The following PKD2L1 variants were observed in gnomAD, a reference collection of about 807,000 sequenced individuals.
The protein encoded by PKD2L1 is polycystin-2-like protein 1.
PKD2L1 carries 77 observed loss-of-function variants against 93.0 expected under a neutral mutation model. The observed-to-expected ratio is 0.83, with a 90% CI of 0.69 to 1.00. The LOEUF (loss-of-function observed/expected upper bound fraction) is 1.00. PKD2L1 is among the 50% of genes least tolerant of loss of function. The probability of loss-of-function intolerance (pLI) is 0.00; values close to 1 mark genes in which losing one functional copy is unlikely to be tolerated. For missense variants in PKD2L1, 977 were observed against 990.9 expected, an observed-to-expected ratio of 0.99 and a Z score of 0.19; for synonymous variants, 390 against 388.0, an observed-to-expected ratio of 1.01 and a Z score of -0.06.
intron 2 of PKD2L1, among the ~76,000 whole-genome samples, chr10:100,319,151 G>A (rs1849172801): frequency 6.6e-6 from 1 of 152,162 alleles, no homozygotes; most frequent in African/African-American, 2.4e-5. Flanking sequence ...TGGCTGAGAT[G>A]TTTTTCAATA....
intron 2 of PKD2L1, among the ~76,000 whole-genome samples, chr10:100,319,412 T>C (rs1849179135): frequency 6.6e-6 from 1 of 152,230 alleles, no homozygotes; most frequent in Admixed American, 6.5e-5. Flanking sequence ...CACACGCTCT[T>C]TCCATTATAC....
intron 2 of PKD2L1, among the ~76,000 whole-genome samples, chr10:100,322,176 C>T (rs929349715): frequency 6.6e-6 from 1 of 152,048 alleles, no homozygotes; most frequent in African/African-American, 2.4e-5. Flanking sequence ...GCTGAGGTTA[C>T]ACCACCGCAT....
In PKD2L1 at chr10:100,298,757, C is replaced by T; in HGVS notation, c.536G>A (p.Ser179Asn). The change falls in exon 4 of 16, where the codon AGC becomes AAC. Residue 179 changes from serine (S) to asparagine (N), a missense_variant. Ser to Asn is a conservative substitution (Grantham distance 46, BLOSUM62 1). Coordinates refer to ENST00000318222, the MANE Select transcript of PKD2L1 (RefSeq NM_016112.3). ...GAAGGAGTGGGAGCCATGGCCCAGG[C>T]TCTGGTTGTTGTACCATTTGGTCCA... ...LYWTKWYNNQSLGHGSHSFIY... is the reference protein window; with the variant it reads ...LYWTKWYNNQNLGHGSHSFIY... The T allele has an allele frequency of 1.2e-6, 2 of 1,613,912 alleles. No homozygotes were observed. Among genetic ancestry groups the T allele is most frequent in the Non-Finnish European group, 1.7e-6 (2 of 1,179,980 alleles).
intron 2 of PKD2L1, among the ~76,000 whole-genome samples, chr10:100,306,850 C>G: frequency 4.1e-5 from 1 of 24,526 alleles, no homozygotes; most frequent in Non-Finnish European, 7.1e-5. Context: ...AGAGTGAGAC[C>G]CTGTCAAAAA....
At chr10:100,294,739 A>G (rs1002098863) in intron 8 of PKD2L1, 84 bp from the exon 9 acceptor site, 3 of 1,568,044 alleles carry the variant, frequency 1.9e-6, no homozygotes, top group Non-Finnish European at 2.6e-6. Context: ...ACCCCTCACC[A>G]CACGTTCACC....
chr10:100,325,455 G>C lies in PKD2L1; in HGVS notation c.349+3756C>G, dbSNP rs186965983. On this transcript the variant is annotated intron_variant, in intron 2 of 15. Transcript: ENST00000318222. ...AAGGAAGAGGCAGGTAGAGGCAGGG[G>C]CTAGGAAACTAGTATTAGTATTATC... Among the ~76,000 whole-genome samples, 46 of 152,308 alleles carry C rather than the reference G, an allele frequency of 3.0e-4. No individual in the cohort carries two copies. In the East Asian group the frequency reaches 8.7e-3, roughly 29 times the overall value.
rs779461283 is a variant in PKD2L1 at position 100,330,131 on chromosome 10, C to T, written c.-28G>A. 8 of 1,393,466 alleles carry T rather than the reference C, an allele frequency of 5.7e-6. No individual in the cohort carries two copies. The highest frequency in any genetic ancestry group is 5.7e-5 in the African/African-American group (4 of 69,962). 86.3% of individuals were successfully genotyped at this position (1,393,466 alleles called of 1,614,324 possible). A position where few individuals can be genotyped will look rare whatever the true frequency, so the allele number is the denominator to read the frequency against. On this transcript the variant is annotated 5_prime_UTR_variant, in exon 1 of 16. Transcript: ENST00000318222. ...GGAATGAGGTGGGGGGGCCCGGTAC[C>T]CCAGGTGCCCACTCTCAGCTAGAGG...
At chr10:100,310,968 T>TA (rs1393556609) in intron 2 of PKD2L1, among the ~76,000 whole-genome samples, 1 of 152,222 alleles carries the variant, frequency 6.6e-6, no homozygotes, top group Non-Finnish European at 1.5e-5. Flanking sequence ...TGAGCTCAGG[T>TA]AATCTGCCCT....
In PKD2L1 at chr10:100,294,742, C is replaced by T. The variant is rs1232844475; in HGVS notation, c.1539-87G>A. 70 of 1,557,754 alleles carry T rather than the reference C, an allele frequency of 4.5e-5. No homozygotes were observed. In the East Asian group the frequency reaches 9.4e-4, roughly 21 times the overall value. On this transcript the variant is annotated intron_variant, in intron 8 of 15. Transcript: ENST00000318222. ...AATCACAGAGAGACCCCTCACCACA[C>T]GTTCACCCCAATCTGATAGACACAG...
chr10:100,289,278 G>A (rs560158639), intron 14 of PKD2L1, among the ~76,000 whole-genome samples: 111 of 152,296 alleles, frequency 7.3e-4, no homozygotes, highest in African/African-American at 2.6e-3. Context: ...GTGGGCTCAC[G>A]CCTGTAATTC....
At chr10:100,314,316 A>T (rs187713765) in intron 2 of PKD2L1, among the ~76,000 whole-genome samples, 1 of 152,176 alleles carries the variant, frequency 6.6e-6, no homozygotes, top group African/African-American at 2.4e-5. Context: ...ACAGGAAGAC[A>T]TGGAAAAGCC....
chr10:100,302,524 T>G (rs1270114686), intron 2 of PKD2L1, among the ~76,000 whole-genome samples: 2 of 150,438 alleles, frequency 1.3e-5, no homozygotes, highest in African/African-American at 4.9e-5. Context: ...TAGCCAAACC[T>G]CATCTCTACA....
intron 2 of PKD2L1, among the ~76,000 whole-genome samples, chr10:100,320,485 G>A (rs1174135869): frequency 6.6e-6 from 1 of 152,126 alleles, no homozygotes; most frequent in African/African-American, 2.4e-5. Context: ...AACTTTGTTG[G>A]CTATTCTTTC....
At chr10:100,326,827 C>G (rs910092145) in intron 2 of PKD2L1, among the ~76,000 whole-genome samples, 1 of 152,158 alleles carries the variant, frequency 6.6e-6, no homozygotes, top group Non-Finnish European at 1.5e-5. Context: ...TGACCCAAAC[C>G]TGTGCAAATT....
chr10:100,325,243 AT>A (rs1180279350), intron 2 of PKD2L1, among the ~76,000 whole-genome samples: 2 of 152,078 alleles, frequency 1.3e-5, no homozygotes, highest in African/African-American at 4.8e-5. Context: ...TGGAGAAACT[AT>A]TTTTACACTC....
chr10:100,290,497 T>C lies in PKD2L1; in HGVS notation c.2030A>G (p.Glu677Gly), dbSNP rs766466581. The change falls in exon 13 of 16, where the codon GAG becomes GGG. Residue 677 changes from glutamate (E) to glycine (G), a missense_variant. Glu to Gly is a moderately conservative substitution (Grantham distance 98). Coordinates refer to ENST00000318222, the MANE Select transcript of PKD2L1 (RefSeq NM_016112.3). ...GCTCACAATAGATCGGCCTAGTTTC[T>C]CAATCTCAGTGTTGAGGGCCACCTG... ...EERVALNTEI[E>G]KLGRSIVSSP... The C allele has an allele frequency of 2.0e-5, 32 of 1,613,074 alleles. No homozygotes were observed. Among genetic ancestry groups the C allele is most frequent in the Non-Finnish European group, 2.6e-5 (31 of 1,179,780 alleles).
At position 100,288,451 on chromosome 10, in the gene PKD2L1, G is replaced by A. The variant is rs12782963; in HGVS notation, c.2363C>T (p.Ala788Val). Residue 788 changes from alanine (A) to valine (V), a missense_variant, in exon 16 of 16, where the codon GCC (alanine) becomes GTC (valine). Coordinates refer to ENST00000318222, the MANE Select transcript of PKD2L1 (RefSeq NM_016112.3). ...ACGGGAGAGTCTCCTCTCCTCTAAG[G>A]CTTCCTCTTCTCTTTTATAGGGAAC... is the stretch of plus-strand genomic sequence containing the variant. ...SEVPYKREEE[A>V]LEERRLSRGE... is the part of the protein sequence containing the mutation. 3 of 1,611,590 alleles carry A rather than the reference G, an allele frequency of 1.9e-6. No individual in the cohort carries two copies. The South Asian group carries it at 3.3e-5, about 18-fold the overall frequency.
chr10:100,326,269 C>T (rs1428349374), intron 2 of PKD2L1, among the ~76,000 whole-genome samples: 3 of 152,206 alleles, frequency 2.0e-5, no homozygotes, highest in Admixed American at 6.5e-5. Context: ...TAAGGCCCCT[C>T]ATGATCGGCC....
chr10:100,290,270 A>C, intron 13 of PKD2L1, 131 bp downstream of exon 13: 1 of 1,333,144 alleles, frequency 7.5e-7, no homozygotes, highest in Non-Finnish European at 1.1e-6. Context: ...CCTTGTAGGC[A>C]GAATTAAAGG....
Sources: gnomAD v4.1 joint callset for allele counts (sites outside exome capture counted in the v4.1 genomes callset) on GRCh38, gnomAD v4.1.1 for gene constraint, MANE v1.5 for transcripts, NCBI Gene and HGNC (gene_info 2026-07-23, HGNC 2026-07-21) for gene names.